CRAMP1: variants seen among roughly 807,000 people sequenced by gnomAD.
CRAMP1 encodes cramped chromatin regulator 1.
Under a neutral mutation model 115.4 loss-of-function variants are expected in CRAMP1, and 50 were observed. The ratio of observed to expected loss-of-function variants is 0.43; its 90% CI spans 0.35 to 0.55. The LOEUF is 0.55. Ranked by LOEUF, CRAMP1 falls within the 20% of genes least tolerant of loss-of-function variation. The pLI is 0.01. For synonymous variants in CRAMP1, 866 were observed against 745.4 expected, an observed-to-expected ratio of 1.16 and a Z score of -2.64; for missense variants, 1,679 against 1,721.7, an observed-to-expected ratio of 0.98 and a Z score of 0.44.
chr16:1,646,931 C>T (rs1333734000), intron 6 of CRAMP1: 3 of 647,066 alleles, frequency 4.6e-6, no homozygotes, highest in Non-Finnish European at 8.4e-6. Flanking sequence ...GCCTTTGCAT[C>T]CTTGTCAAAC....
At position 1,675,885 on chromosome 16, in the gene CRAMP1, A is replaced by G. The variant is rs1311878901; in HGVS notation, c.*1840A>G. The G allele has an allele frequency of 6.6e-6, 1 of 152,230 alleles. No individual in the cohort carries two copies. Among genetic ancestry groups the G allele is most frequent in the African/African-American group, 2.4e-5 (1 of 41,442 alleles). The allele number at this position is 152,230 out of a possible 1,614,324, so 9.4% of individuals were successfully genotyped here. On this transcript the variant is annotated 3_prime_UTR_variant, in exon 21 of 21. Transcript: ENST00000397412. ...GTTTGAACTACAGCATCTTTACACT[A>G]GCTTGTGTTTTGTGCTACGTATACC...
Position 1,666,339 on chromosome 16 carries a change from G to A in CRAMP1, c.2858-83G>A. 1 of 1,369,502 alleles carries A rather than the reference G, an allele frequency of 7.3e-7. No individual in the cohort carries two copies. Among genetic ancestry groups the A allele is most frequent in the South Asian group, 1.3e-5 (1 of 77,720 alleles). The allele number at this position is 1,369,502 out of a possible 1,614,324, so 84.8% of individuals were successfully genotyped here. ...TCTTGCATTGACATGAGGTGCGAGG[G>A]AGAAGCTGTTCCCCGAGCCCTCTTG... On this transcript the variant is annotated intron_variant, in intron 15 of 20. Transcript: ENST00000397412. The surrounding 1 kb of genome is among the most constrained non-coding windows in gnomAD (Gnocchi z 5.0).
At chr16:1,648,650 G>C (rs1356213607) in intron 6 of CRAMP1, among the ~76,000 whole-genome samples, 1 of 151,282 alleles carries the variant, frequency 6.6e-6, no homozygotes, top group Non-Finnish European at 1.5e-5. Flanking sequence ...GACTGCTTTT[G>C]ACCAATGTTT....
At chr16:1,641,965 A>G (rs764945396) in intron 6 of CRAMP1, among the ~76,000 whole-genome samples, 19 of 152,014 alleles carry the variant, frequency 1.2e-4, no homozygotes, top group Non-Finnish European at 2.1e-4. Context: ...GGTTCTGTGC[A>G]TGTACATTTC....
rs376344673 is a variant in CRAMP1, at chr16:1,664,986, C to T, written c.2671-71C>T. ...TGGGCACCCTCTTACTTGGGACATTCCTTTGTAACTGGGAGTGATTTTTTG... is the reference window on the plus strand; with the variant it reads ...TGGGCACCCTCTTACTTGGGACATTTCTTTGTAACTGGGAGTGATTTTTTG... On this transcript the variant is annotated intron_variant, in intron 13 of 20. Coordinates refer to ENST00000397412, the MANE Select transcript of CRAMP1 (RefSeq NM_020825.4). The T allele has an allele frequency of 3.9e-4, 417 of 1,067,752 alleles. 1 individual carries two copies. In the African/African-American group the frequency reaches 5.8e-3, roughly 15 times the overall value. 66.1% of individuals were successfully genotyped at this position (1,067,752 alleles called of 1,614,324 possible).
intron 18 of CRAMP1, among the ~76,000 whole-genome samples, chr16:1,668,763 G>A (rs1422128675): frequency 6.6e-6 from 1 of 152,226 alleles, no homozygotes; most frequent in Non-Finnish European, 1.5e-5. Context: ...GGTGCCGTGA[G>A]ATGACTCATG....
chr16:1,640,993 A>G (rs907088786), intron 5 of CRAMP1, 146 bp from the exon 6 acceptor site: 39 of 590,876 alleles, frequency 6.6e-5, no homozygotes, highest in Non-Finnish European at 1.5e-5. Flanking sequence ...GAGGGGCTGC[A>G]GCTACTGTAG....
chr16:1,628,364 C>T (rs1308929874), intron 3 of CRAMP1, among the ~76,000 whole-genome samples: 4 of 152,210 alleles, frequency 2.6e-5, no homozygotes, highest in Non-Finnish European at 5.9e-5. Flanking sequence ...AGCGATTCTC[C>T]TGCTTCAGCC....
chr16:1,641,212 C>T (rs373258576), intron 6 of CRAMP1, 25 bp downstream of exon 6: 35 of 1,550,860 alleles, frequency 2.3e-5, no homozygotes, highest in Non-Finnish European at 2.9e-5. Flanking sequence ...CCATGTGAAA[C>T]ATCACTTCTC....
intron 3 of CRAMP1, among the ~76,000 whole-genome samples, chr16:1,630,581 C>T (rs975819360): frequency 6.6e-6 from 1 of 152,186 alleles, no homozygotes; most frequent in African/African-American, 2.4e-5. Flanking sequence ...CAGACATGGC[C>T]CTGCCTGCTC....
intron 6 of CRAMP1, among the ~76,000 whole-genome samples, chr16:1,649,870 T>C (rs1402089401): frequency 7.0e-6 from 1 of 143,004 alleles, no homozygotes; most frequent in Non-Finnish European, 1.5e-5. Flanking sequence ...CTCAGCTCAC[T>C]ACAACCTCTG....
rs558987217 is a variant in CRAMP1, at chr16:1,631,574, G to A, written c.541-638G>A. On this transcript the variant is annotated intron_variant, in intron 3 of 20. Transcript: ENST00000397412. The stretch of plus-strand genomic sequence containing the variant: ...GGAGCTTGGCTTTGATGAGATGATC[G>A]AACACTAGGTTCTCTATGGCAGTGC... Among the ~76,000 whole-genome samples the A allele has an allele frequency of 3.3e-5, 5 of 152,316 alleles. No homozygotes were observed. In the East Asian group the frequency reaches 7.7e-4, roughly 23 times the overall value.
chr16:1,673,973 T>C lies in CRAMP1; in HGVS notation c.3738T>C (p.Ala1246=). ...FNDLAQELSI[A]EPGRREALFD... ...ACCTGGCCCAAGAGCTGTCCATCGC[T>C]GAGCCTGGCCGCCGAGAAGCTCTGT... The change falls in exon 21 of 21, where the codon GCT becomes GCC. Residue 1246 remains alanine, a synonymous_variant. Transcript: ENST00000397412. The C allele has an allele frequency of 6.2e-7, 1 of 1,613,276 alleles. No individual in the cohort carries two copies. The highest frequency in any genetic ancestry group is 8.5e-7 in the Non-Finnish European group (1 of 1,179,896).
chr16:1,633,667 G>C (rs2036564000), intron 4 of CRAMP1, among the ~76,000 whole-genome samples: 1 of 152,240 alleles, frequency 6.6e-6, no homozygotes, highest in Admixed American at 6.5e-5. Flanking sequence ...GTTAATGTCA[G>C]GTTGTGGTGA....
chr16:1,634,752 C>T (rs1378772980), intron 4 of CRAMP1, among the ~76,000 whole-genome samples: 1 of 152,242 alleles, frequency 6.6e-6, no homozygotes, highest in Non-Finnish European at 1.5e-5. Flanking sequence ...GGCATTGGGG[C>T]ACCCGATGCT....
chr16:1,634,236 C>T (rs144414674), intron 4 of CRAMP1, among the ~76,000 whole-genome samples: 5 of 152,278 alleles, frequency 3.3e-5, no homozygotes, highest in African/African-American at 7.2e-5. Context: ...GGGTGGGAAG[C>T]GTCTTTGGAC....
At chr16:1,653,900 G>T (rs1373296657) in intron 8 of CRAMP1, among the ~76,000 whole-genome samples, 2 of 151,704 alleles carry the variant, frequency 1.3e-5, no homozygotes, top group African/African-American at 4.8e-5. Context: ...CCAGCACTTT[G>T]GGAGGCCAAG....
In CRAMP1 at chr16:1,656,653, G is replaced by A. The variant is rs774448354; in HGVS notation, c.1896G>A (p.Leu632=). Residue 632 remains leucine (L), a synonymous_variant, in exon 10 of 21, where the codon TTG becomes TTA. Coordinates refer to ENST00000397412, the MANE Select transcript of CRAMP1 (RefSeq NM_020825.4). The surrounding 1 kb of genome is among the most constrained non-coding windows in gnomAD (Gnocchi z 5.6). The stretch of plus-strand genomic sequence containing the variant: ...TGCTGGATGTTTGCACTAAAGACTT[G>A]GCAGATGCACCTGCGGAGGAGCTCC... ...GLLLDVCTKD[L]ADAPAEELQE... is the part of the protein sequence containing the mutation. 1 of 1,577,736 alleles carries A rather than the reference G, an allele frequency of 6.3e-7. No individual in the cohort carries two copies. Among genetic ancestry groups the A allele is most frequent in the South Asian group, 1.2e-5 (1 of 86,086 alleles).
At chr16:1,659,071 C>G (rs972492174) in intron 10 of CRAMP1, among the ~76,000 whole-genome samples, 3 of 152,260 alleles carry the variant, frequency 2.0e-5, no homozygotes, top group East Asian at 1.9e-4. Flanking sequence ...TGCACAACCC[C>G]CAAAGTTGGG....
Sources: allele counts gnomAD v4.1 joint callset (sites outside exome capture counted in the v4.1 genomes callset), GRCh38; gene constraint gnomAD v4.1.1; non-coding constraint Gnocchi (gnomAD v3.1); transcripts MANE v1.5; gene names NCBI Gene and HGNC (gene_info 2026-07-23, HGNC 2026-07-21).